NAALADL2: variants seen among roughly 807,000 people sequenced by gnomAD.
NAALADL2 encodes the protein N-acetylated alpha-linked acidic dipeptidase like 2, also known as inactive N-acetylated-alpha-linked acidic dipeptidase-like protein 2.
Under a neutral mutation model 87.2 loss-of-function variants are expected in NAALADL2, and 76 were observed. That is an observed-to-expected ratio of 0.87 (90% CI 0.72 to 1.05). The LOEUF is 1.05. Ranked by LOEUF, NAALADL2 falls within the 50% of genes least tolerant of loss-of-function variation. The pLI is 0.00. For missense variants in NAALADL2, 1,089 were observed against 945.8 expected (o/e 1.15, Z -1.99); for synonymous variants, 354 against 331.0 (o/e 1.07, Z -0.75).
chr3:174,843,284 T>C (rs1021138482), intron 3 of NAALADL2, among the ~76,000 whole-genome samples: 2 of 152,118 alleles, frequency 1.3e-5, no homozygotes, highest in African/African-American at 2.4e-5. Flanking sequence ...TTAACCAGTG[T>C]TCTACTCTCT....
chr3:174,923,018 A>G (rs544744627), intron 1 of NAALADL2, among the ~76,000 whole-genome samples: 2 of 152,210 alleles, frequency 1.3e-5, no homozygotes, highest in South Asian at 2.1e-4. Flanking sequence ...TGCAAACCTG[A>G]AGTTGGAGTT....
intron 2 of NAALADL2, among the ~76,000 whole-genome samples, chr3:175,190,597 G>A (rs1034010998): frequency 5.3e-5 from 8 of 152,098 alleles, no homozygotes; most frequent in African/African-American, 1.9e-4. Context: ...AACGTAGATG[G>A]TGCGGTCATT....
intron 1 of NAALADL2, among the ~76,000 whole-genome samples, chr3:175,011,281 A>AGG (rs1491416433): frequency 5.7e-4 from 14 of 24,620 alleles, no homozygotes; most frequent in African/African-American, 1.5e-3. Flanking sequence ...ACAGAGAGAC[A>AGG]GAGAGAGAGA....
At chr3:175,606,941 G>T (rs1017495279) in intron 10 of NAALADL2, among the ~76,000 whole-genome samples, 2 of 152,088 alleles carry the variant, frequency 1.3e-5, no homozygotes, top group African/African-American at 4.8e-5. Context: ...ACAAGCAATT[G>T]AGTTGCTTGT....
At chr3:174,612,127 GC>G (rs1719971603) in intron 2 of NAALADL2, among the ~76,000 whole-genome samples, 1 of 151,974 alleles carries the variant, frequency 6.6e-6, no homozygotes, top group African/African-American at 2.4e-5. Context: ...CTCTCTCCTG[GC>G]CTGTAAAGTT....
At chr3:175,426,104 C>T (rs1353178504) in intron 5 of NAALADL2, among the ~76,000 whole-genome samples, 1 of 152,158 alleles carries the variant, frequency 6.6e-6, no homozygotes, top group Non-Finnish European at 1.5e-5. Context: ...TGGCTCATGC[C>T]TGTAATCCCA....
chr3:175,549,522 T>G (rs1422187024), intron 9 of NAALADL2, among the ~76,000 whole-genome samples: 2 of 151,944 alleles, frequency 1.3e-5, no homozygotes, highest in Non-Finnish European at 2.9e-5. Flanking sequence ...TGAACTCTTA[T>G]CATGGCTCCA....
chr3:175,575,209 A>G (rs940891669), intron 9 of NAALADL2, among the ~76,000 whole-genome samples: 4 of 152,150 alleles, frequency 2.6e-5, no homozygotes, highest in Non-Finnish European at 4.4e-5. Flanking sequence ...ATATAATTTT[A>G]AAACATCTAG....
At chr3:175,710,599 C>T (rs988735698) in intron 11 of NAALADL2, among the ~76,000 whole-genome samples, 17 of 136,890 alleles carry the variant, frequency 1.2e-4, no homozygotes, top group African/African-American at 4.2e-4. Context: ...TATATATATA[C>T]ACATATATAG....
At chr3:175,420,401 T>A (rs989665072) in intron 5 of NAALADL2, among the ~76,000 whole-genome samples, 5 of 151,996 alleles carry the variant, frequency 3.3e-5, no homozygotes, top group Non-Finnish European at 7.4e-5. Context: ...ATTACAACTT[T>A]GTTTTTCTAT....
intron 5 of NAALADL2, among the ~76,000 whole-genome samples, chr3:175,330,419 G>A (rs1476695541): frequency 1.3e-5 from 2 of 149,110 alleles, no homozygotes; most frequent in Non-Finnish European, 3.0e-5. Flanking sequence ...CGCAAGCCTT[G>A]GTTACAGAGC....
intron 5 of NAALADL2, among the ~76,000 whole-genome samples, chr3:175,398,005 GT>G (rs1770033690): frequency 6.6e-6 from 1 of 152,026 alleles, no homozygotes; most frequent in African/African-American, 2.4e-5. Context: ...TGAATTGGAT[GT>G]TCTTTAAGGT....
intron 1 of NAALADL2, among the ~76,000 whole-genome samples, chr3:174,882,608 T>C (rs1729415053): frequency 6.7e-6 from 1 of 149,320 alleles, no homozygotes; most frequent in Non-Finnish European, 1.5e-5. Context: ...CACATACATA[T>C]ATGTGCATAT....
chr3:175,208,777 C>T (rs1741339780), intron 2 of NAALADL2, among the ~76,000 whole-genome samples: 1 of 152,066 alleles, frequency 6.6e-6, no homozygotes, highest in African/African-American at 2.4e-5. Flanking sequence ...CGCAGTAAGG[C>T]CAGAACAAGT....
At chr3:174,905,753 T>C (rs1289156174) in intron 1 of NAALADL2, among the ~76,000 whole-genome samples, 1 of 152,018 alleles carries the variant, frequency 6.6e-6, no homozygotes, top group Non-Finnish European at 1.5e-5. Context: ...TAAATCTCTA[T>C]TGTGGTATCT....
intron 3 of NAALADL2, among the ~76,000 whole-genome samples, chr3:174,771,692 G>A (rs574496484): frequency 1.7e-3 from 261 of 152,288 alleles, no homozygotes; most frequent in African/African-American, 6.1e-3. Flanking sequence ...AAGTAGGAGA[G>A]TGAAAGCTCT....
At chr3:175,558,156 C>T (rs1408305975) in intron 9 of NAALADL2, among the ~76,000 whole-genome samples, 5 of 140,804 alleles carry the variant, frequency 3.6e-5, no homozygotes, top group African/African-American at 1.4e-4. Context: ...GATCACGCCA[C>T]TGCACTCCAA....
chr3:174,741,768 G>T (rs78050335), intron 3 of NAALADL2, among the ~76,000 whole-genome samples: 2,099 of 151,732 alleles, frequency 0.014, 53 homozygotes, highest in African/African-American at 0.047. Context: ...AAATTTCAAA[G>T]ATATCAACTT....
intron 2 of NAALADL2, among the ~76,000 whole-genome samples, chr3:174,704,100 GTCAC>G (rs1201629528): frequency 1.3e-5 from 2 of 152,140 alleles, no homozygotes; most frequent in African/African-American, 4.8e-5. Context: ...TAAGATGAAG[GTCAC>G]TCACTCACTA....
Sources: allele counts gnomAD v4.1 joint callset (sites outside exome capture counted in the v4.1 genomes callset), GRCh38; gene constraint gnomAD v4.1.1; transcripts MANE v1.5; gene names NCBI Gene and HGNC (gene_info 2026-07-23, HGNC 2026-07-21).